PCDHA7: variants seen among roughly 807,000 people sequenced by gnomAD.
The protein encoded by PCDHA7 is protocadherin alpha-7.
In PCDHA7, 37 loss-of-function variants were observed where a neutral mutation model predicts 57.2. The ratio of observed to expected loss-of-function variants is 0.65; its 90% CI spans 0.50 to 0.85. The LOEUF (loss-of-function observed/expected upper bound fraction) is 0.85, where lower values mean the gene tolerates loss of function less well. Ranked by LOEUF, PCDHA7 falls within the 40% of genes least tolerant of loss-of-function variation. The pLI is 0.00. For synonymous variants in PCDHA7, 553 were observed against 558.8 expected (o/e 0.99, Z 0.15); for missense variants, 1,188 against 1,241.8 (o/e 0.96, Z 0.65).
Position 140,882,752 on chromosome 5 carries a change from A to G in PCDHA7, c.2355+46014A>G, listed in dbSNP as rs1457424583. 4 of 1,614,130 alleles carry G rather than the reference A, an allele frequency of 2.5e-6. No individual in the cohort carries two copies. In the East Asian group the frequency reaches 8.9e-5, roughly 36 times the overall value. On this transcript the variant is annotated intron_variant, in intron 1 of 3. Coordinates refer to ENST00000525929, the MANE Select transcript of PCDHA7 (RefSeq NM_018910.3). Reference sequence around the variant, plus strand: ...ACTAGATGGCGCATCCGATGCAGATATTGGAGTAAACTCGGCATTGACCTA... The same window carrying G: ...ACTAGATGGCGCATCCGATGCAGATGTTGGAGTAAACTCGGCATTGACCTA...
At chr5:140,947,949 AT>A (rs1326528139) in intron 1 of PCDHA7, among the ~76,000 whole-genome samples, 1 of 151,494 alleles carries the variant, frequency 6.6e-6, no homozygotes, top group African/African-American at 2.4e-5. Context: ...AGTGTTCCAT[AT>A]TTTACAATTA....
intron 1 of PCDHA7, chr5:140,966,785 A>G: frequency 6.6e-7 from 1 of 1,522,872 alleles, no homozygotes. Flanking sequence ...GGCGGGCACC[A>G]GACCTGCGGC....
At chr5:140,936,628 T>C (rs1208761817) in intron 1 of PCDHA7, among the ~76,000 whole-genome samples, 5 of 152,258 alleles carry the variant, frequency 3.3e-5, no homozygotes, top group Non-Finnish European at 7.3e-5. Flanking sequence ...GTGCTACCTT[T>C]GTCATAAGCA....
chr5:140,967,842 A>G (rs1239466478), intron 1 of PCDHA7: 1 of 1,614,042 alleles, frequency 6.2e-7, no homozygotes, highest in Non-Finnish European at 8.5e-7. Flanking sequence ...GTGGACGTGA[A>G]TGACAATGCC....
chr5:140,905,160 A>G (rs1554191931), intron 1 of PCDHA7, among the ~76,000 whole-genome samples: 2 of 152,304 alleles, frequency 1.3e-5, no homozygotes, highest in East Asian at 1.9e-4. Flanking sequence ...TAGAATTTTC[A>G]TGGTTTCAGG....
chr5:140,868,978 C>T, intron 1 of PCDHA7: 2 of 1,484,292 alleles, frequency 1.3e-6, no homozygotes, highest in Non-Finnish European at 1.8e-6. Context: ...CTCCATCATA[C>T]CGGATGCCAC....
intron 1 of PCDHA7, among the ~76,000 whole-genome samples, chr5:140,947,415 G>C (rs116670354): frequency 0.021 from 3,167 of 151,674 alleles, 64 homozygotes; most frequent in Admixed American, 0.045. Flanking sequence ...TGATATTGTA[G>C]CTTTATAAAT....
At chr5:140,869,433 G>A in intron 1 of PCDHA7, 2 of 1,614,226 alleles carry the variant, frequency 1.2e-6, no homozygotes, top group Non-Finnish European at 1.7e-6. Context: ...AGGTGATCGT[G>A]GACAGGCCGC....
At position 140,834,842 on chromosome 5, in the gene PCDHA7, A is replaced by C; in HGVS notation, c.459A>C (p.Pro153=). 6.2e-7 allele frequency: 1 copy of C among 1,611,330 alleles called. No homozygotes were observed. Among genetic ancestry groups the C allele is most frequent in the Non-Finnish European group, 8.5e-7 (1 of 1,179,198 alleles). Reference sequence around the variant, plus strand: ...CCAGGCCGCTTGACTCTCGGTTTCCACTAGAGGGCGCGTCCGATGCAGATA... The same window carrying C: ...CCAGGCCGCTTGACTCTCGGTTTCCCCTAGAGGGCGCGTCCGATGCAGATA... ...AESRPLDSRF[P]LEGASDADIG... Residue 153 remains proline (P), a synonymous_variant, in exon 1 of 4, where the codon CCA becomes CCC. Transcript: ENST00000525929.
At chr5:140,963,068 G>C (rs1472395054) in intron 1 of PCDHA7, among the ~76,000 whole-genome samples, 3 of 152,064 alleles carry the variant, frequency 2.0e-5, no homozygotes, top group African/African-American at 7.2e-5. Context: ...CATTGTGAAG[G>C]AGACAGAAAT....
At chr5:140,855,644 T>C (rs1324111294) in intron 1 of PCDHA7, among the ~76,000 whole-genome samples, 7 of 149,848 alleles carry the variant, frequency 4.7e-5, no homozygotes, top group African/African-American at 1.7e-4. Flanking sequence ...TTGATAATCA[T>C]GTGGTTAGGG....
chr5:140,980,021 A>C (rs1472439975), intron 2 of PCDHA7, among the ~76,000 whole-genome samples: 2 of 152,248 alleles, frequency 1.3e-5, no homozygotes. Context: ...AAATGAGCAG[A>C]AATCATTACA....
At chr5:140,992,761 A>G (rs1400429465) in intron 3 of PCDHA7, among the ~76,000 whole-genome samples, 1 of 152,180 alleles carries the variant, frequency 6.6e-6, no homozygotes, top group African/African-American at 2.4e-5. Flanking sequence ...TGTTGGGGAT[A>G]GGAGGGTGGG....
In PCDHA7 at chr5:140,926,779, C is replaced by T. The variant is rs1262086128; in HGVS notation, c.2356-52170C>T. 8 of 1,398,696 alleles carry T rather than the reference C, an allele frequency of 5.7e-6. No individual in the cohort carries two copies. In the South Asian group the frequency reaches 1.2e-4, roughly 21 times the overall value. 86.6% of individuals were successfully genotyped at this position (1,398,696 alleles called of 1,614,324 possible). A position where few individuals can be genotyped will look rare whatever the true frequency, so the allele number is the denominator to read the frequency against. On this transcript the variant is annotated intron_variant, in intron 1 of 3. Transcript: ENST00000525929. ...CTGAGTATCCAGCCCGCAGCAGTGACGGCCGGCAGGAGCGTGCTCTTCCCC... is the reference window on the plus strand; with the variant it reads ...CTGAGTATCCAGCCCGCAGCAGTGATGGCCGGCAGGAGCGTGCTCTTCCCC...
chr5:140,836,921 G>T (rs917250173), intron 1 of PCDHA7, 183 bp downstream of exon 1: 1 of 539,944 alleles, frequency 1.9e-6, no homozygotes. Context: ...TTTGTTTTGG[G>T]ATGCGTAATA....
intron 2 of PCDHA7, among the ~76,000 whole-genome samples, chr5:140,980,478 A>G (rs1186753725): frequency 2.6e-5 from 4 of 152,172 alleles, no homozygotes; most frequent in African/African-American, 4.8e-5. Context: ...AAAAATACAA[A>G]AATTAGCTGG....
chr5:140,886,095 T>C (rs1229514130), intron 1 of PCDHA7, among the ~76,000 whole-genome samples: 2 of 152,200 alleles, frequency 1.3e-5, no homozygotes, highest in Non-Finnish European at 2.9e-5. Flanking sequence ...ATATTGACAT[T>C]GATACAGTAA....
At chr5:140,953,546 T>G (rs2094902084) in intron 1 of PCDHA7, among the ~76,000 whole-genome samples, 1 of 152,136 alleles carries the variant, frequency 6.6e-6, no homozygotes, top group African/African-American at 2.4e-5. Context: ...ATGCTGATTC[T>G]TTTCTCCAAG....
intron 1 of PCDHA7, among the ~76,000 whole-genome samples, chr5:140,906,981 G>A (rs1554192831): frequency 6.6e-6 from 1 of 152,122 alleles, no homozygotes; most frequent in Non-Finnish European, 1.5e-5. Flanking sequence ...GTCTTCTGGT[G>A]GCAGCATTCC....
Sources: gnomAD v4.1 joint callset for allele counts (sites outside exome capture counted in the v4.1 genomes callset) on GRCh38, gnomAD v4.1.1 for gene constraint, MANE v1.5 for transcripts, NCBI Gene and HGNC (gene_info 2026-07-23, HGNC 2026-07-21) for gene names.